Variants in SLC10A7 observed in about 807,000 individuals in gnomAD.
SLC10A7 encodes the protein solute carrier family 10 member 7, also known as sodium/bile acid cotransporter 7.
A neutral mutation model predicts 43.2 loss-of-function variants in SLC10A7; 29 were observed. The observed-to-expected ratio is 0.67, with a 90% CI of 0.50 to 0.92. The LOEUF (loss-of-function observed/expected upper bound fraction) is 0.92, where lower values mean the gene tolerates loss of function less well. SLC10A7 is among the 40% of genes least tolerant of loss of function. The probability of loss-of-function intolerance (pLI) is 0.00; values close to 1 mark genes in which losing one functional copy is unlikely to be tolerated. For missense variants in SLC10A7, 295 were observed against 403.2 expected, an observed-to-expected ratio of 0.73 and a Z score of 2.30; for synonymous variants, 152 against 144.8, an observed-to-expected ratio of 1.05 and a Z score of -0.35.
intron 6 of SLC10A7, among the ~76,000 whole-genome samples, chr4:146,324,141 G>A (rs1423325632): frequency 4.6e-5 from 7 of 152,126 alleles, no homozygotes; most frequent in African/African-American, 1.7e-4. Context: ...TCTTCAAGGA[G>A]AACTACAAAC....
chr4:146,288,519 A>C (rs1446842063), intron 9 of SLC10A7, among the ~76,000 whole-genome samples: 1 of 152,198 alleles, frequency 6.6e-6, no homozygotes, highest in East Asian at 1.9e-4. Flanking sequence ...TGCCCTTTTG[A>C]GAAAGACAAT....
Position 146,509,907 on chromosome 4 carries a change from A to T in SLC10A7, c.320+6T>A. ...AGTGGACCCACTTTTAAAGATTTAA[A>T]CATACCCTTTTAAAAGCCATTCGTT... On this transcript the variant is annotated splice_donor_region_variant and intron_variant, in intron 3 of 11. Transcript: ENST00000335472. 6.2e-7 allele frequency: 1 copy of T among 1,611,460 alleles called. No homozygotes were observed. The highest frequency in any genetic ancestry group is 8.5e-7 in the Non-Finnish European group (1 of 1,179,242).
In SLC10A7 at chr4:146,350,091, G is replaced by T. The variant is rs554574086; in HGVS notation, c.436-24095C>A. Among the ~76,000 whole-genome samples, 25 of 151,112 alleles carry T rather than the reference G, an allele frequency of 1.7e-4. No individual in the cohort carries two copies. The East Asian group carries it at 2.0e-3, about 12-fold the overall frequency. On this transcript the variant is annotated intron_variant, in intron 5 of 11. Transcript: ENST00000335472. Reference sequence around the variant, plus strand: ...TCCCAGCGTGAGCGACGCAGAAGACGGGTGATTTCTGCATTTCCATCTGAG... The same window carrying T: ...TCCCAGCGTGAGCGACGCAGAAGACTGGTGATTTCTGCATTTCCATCTGAG...
rs1175094497 is a variant in SLC10A7 at position 146,306,114 on chromosome 4, T to G, written c.472-105A>C. 3 of 811,680 alleles carry G rather than the reference T, an allele frequency of 3.7e-6. No homozygotes were observed. The South Asian group carries it at 1.0e-4, about 28-fold the overall frequency. 50.3% of individuals were successfully genotyped at this position (811,680 alleles called of 1,614,324 possible). On this transcript the variant is annotated intron_variant, in intron 6 of 11. Coordinates refer to ENST00000335472, the MANE Select transcript of SLC10A7 (RefSeq NM_001029998.6). Reference sequence around the variant, plus strand: ...AGATTTTCTCAGGCGCACCAAAAATTTGGTAGCTATCTACAAAGAATAAGT... The same window carrying G: ...AGATTTTCTCAGGCGCACCAAAAATGTGGTAGCTATCTACAAAGAATAAGT...
At chr4:146,477,720 A>T (rs995569673) in intron 4 of SLC10A7, among the ~76,000 whole-genome samples, 1 of 152,222 alleles carries the variant, frequency 6.6e-6, no homozygotes, top group Non-Finnish European at 1.5e-5. Context: ...TTTTAGGAAC[A>T]GGAAGCTGTG....
chr4:146,435,758 G>A (rs1730161638), intron 5 of SLC10A7, among the ~76,000 whole-genome samples: 3 of 152,070 alleles, frequency 2.0e-5, no homozygotes, highest in Non-Finnish European at 4.4e-5. Context: ...TAGTAGGCTG[G>A]ATTCAAATTA....
chr4:146,276,773 A>G (rs1465860201), intron 10 of SLC10A7, among the ~76,000 whole-genome samples: 1 of 151,994 alleles, frequency 6.6e-6, no homozygotes, highest in African/African-American at 2.4e-5. Context: ...AACATAACGA[A>G]GCCCCCGTCT....
intron 5 of SLC10A7, among the ~76,000 whole-genome samples, chr4:146,378,217 G>A (rs1196992687): frequency 6.6e-6 from 1 of 152,122 alleles, no homozygotes; most frequent in Non-Finnish European, 1.5e-5. Flanking sequence ...ATGCTTTCTT[G>A]CGCCAAAAAA....
chr4:146,437,011 T>G (rs1370267769), intron 5 of SLC10A7, among the ~76,000 whole-genome samples: 2 of 152,148 alleles, frequency 1.3e-5, no homozygotes, highest in Non-Finnish European at 2.9e-5. Flanking sequence ...AGCACTGCAT[T>G]GAAGACAGTC....
chr4:146,337,698 A>G (rs890888633), intron 5 of SLC10A7, among the ~76,000 whole-genome samples: 1 of 151,980 alleles, frequency 6.6e-6, no homozygotes, highest in Non-Finnish European at 1.5e-5. Context: ...ATAGGTGAGA[A>G]TAGAAAAGAG....
At chr4:146,398,374 G>T (rs1215659231) in intron 5 of SLC10A7, among the ~76,000 whole-genome samples, 5 of 152,100 alleles carry the variant, frequency 3.3e-5, no homozygotes, top group African/African-American at 7.2e-5. Context: ...TAACTTTCTG[G>T]TTAAAGATAT....
chr4:146,322,364 T>TCCCCCC (rs34494809), intron 6 of SLC10A7, among the ~76,000 whole-genome samples: 1 of 102,610 alleles, frequency 9.7e-6, no homozygotes, highest in Admixed American at 1.2e-4. Flanking sequence ...ATGCTATCCC[T>TCCCCCC]CCCCCCTCCC....
At chr4:146,521,275 T>A (rs926704532) in intron 1 of SLC10A7, among the ~76,000 whole-genome samples, 1 of 151,892 alleles carries the variant, frequency 6.6e-6, no homozygotes, top group Admixed American at 6.6e-5. Context: ...CACTCCAAGA[T>A]AGATACGGAA....
In SLC10A7 at chr4:146,284,131, A is replaced by G. The variant is rs749548529; in HGVS notation, c.774-866T>C. 2.0e-5 allele frequency among the ~76,000 whole-genome samples: 3 copies of G among 152,186 alleles called. No homozygotes were observed. The East Asian group carries it at 5.8e-4, about 29-fold the overall frequency. ...ATGTCATTGTTATGATTGTGCCCTT[A>G]TATTTTAGAAACTATTCTTTCCTGT... On this transcript the variant is annotated intron_variant, in intron 9 of 11. Coordinates refer to ENST00000335472, the MANE Select transcript of SLC10A7 (RefSeq NM_001029998.6).
At chr4:146,473,344 T>C (rs1176544574) in intron 4 of SLC10A7, among the ~76,000 whole-genome samples, 1 of 152,202 alleles carries the variant, frequency 6.6e-6, no homozygotes, top group Non-Finnish European at 1.5e-5. Flanking sequence ...GTATGACATA[T>C]ATGTTTTATT....
At chr4:146,512,751 AC>A (rs1737598344) in intron 2 of SLC10A7, among the ~76,000 whole-genome samples, 1 of 152,232 alleles carries the variant, frequency 6.6e-6, no homozygotes, top group Non-Finnish European at 1.5e-5. Context: ...TAGCAATTCC[AC>A]TTCCAGGAAT....
chr4:146,334,099 T>C (rs1418129414), intron 5 of SLC10A7, among the ~76,000 whole-genome samples: 1 of 152,092 alleles, frequency 6.6e-6, no homozygotes, highest in African/African-American at 2.4e-5. Flanking sequence ...CAGGAGATCA[T>C]AGAGCCAATT....
In SLC10A7 at chr4:146,481,478, A is replaced by G. The variant is rs945781570; in HGVS notation, c.396+22371T>C. 2.7e-4 allele frequency among the ~76,000 whole-genome samples: 41 copies of G among 152,148 alleles called. 2 individuals are homozygous for G. The highest frequency in any genetic ancestry group is 5.9e-4 in the Non-Finnish European group (40 of 68,018). ...CATGTTCTACCATTTCGGGGTCCAG[A>G]GTCACCTCATCCCCCAGAGCCTGAG... On this transcript the variant is annotated intron_variant, in intron 4 of 11. Transcript: ENST00000335472.
At chr4:146,390,276 AT>A (rs1738328679) in intron 5 of SLC10A7, among the ~76,000 whole-genome samples, 1 of 152,216 alleles carries the variant, frequency 6.6e-6, no homozygotes, top group Non-Finnish European at 1.5e-5. Context: ...GCTAATAGTT[AT>A]TAAAGGCTTA....
Sources: allele counts gnomAD v4.1 joint callset (sites outside exome capture counted in the v4.1 genomes callset), GRCh38; gene constraint gnomAD v4.1.1; transcripts MANE v1.5; gene names NCBI Gene and HGNC (gene_info 2026-07-23, HGNC 2026-07-21).